Variants in LAYN observed in about 807,000 individuals in gnomAD.
LAYN encodes layilin.
In LAYN, 38 loss-of-function variants were observed where a neutral mutation model predicts 43.6. The observed-to-expected ratio is 0.87, with a 90% CI of 0.67 to 1.14. The LOEUF (loss-of-function observed/expected upper bound fraction) is 1.14, where lower values mean the gene tolerates loss of function less well. LAYN is among the 50% of genes most tolerant of loss of function. LAYN has a pLI of 0.00. For missense variants in LAYN, 479 were observed against 463.8 expected, an observed-to-expected ratio of 1.03 and a Z score of -0.30; for synonymous variants, 168 against 172.9, an observed-to-expected ratio of 0.97 and a Z score of 0.22.
In LAYN at chr11:111,549,719, A is replaced by C; in HGVS notation, c.485A>C (p.Gln162Pro). Residue 162 changes from glutamine to proline, a missense_variant, in exon 3 of 7, where the codon CAG becomes CCG. Coordinates refer to ENST00000375614, the MANE Select transcript of LAYN (RefSeq NM_178834.5). ...PAGIGGPYMF[Q>P]WNDDRCNMKN... is the part of the protein sequence containing the mutation. ...GGCATCGGAGGCCCCTACATGTTCC[A>C]GTGGAATGATGACCGGTGCAACATG... The C allele has an allele frequency of 1.2e-6, 2 of 1,607,178 alleles. No homozygotes were observed. The highest frequency in any genetic ancestry group is 1.7e-6 in the Non-Finnish European group (2 of 1,177,488).
rs376097260 is a variant in LAYN, at chr11:111,544,196, C to A, written c.359C>A (p.Thr120Asn). 6.2e-7 allele frequency: 1 copy of A among 1,613,552 alleles called. No homozygotes were observed. The highest frequency in any genetic ancestry group is 1.1e-5 in the South Asian group (1 of 90,952). The change falls in exon 2 of 7, where the codon ACT becomes AAT. Residue 120 changes from threonine to asparagine, a missense_variant. Coordinates refer to ENST00000375614, the MANE Select transcript of LAYN (RefSeq NM_178834.5). ...GCCTGCCAGGACCTTTATGCTTGGA[C>A]TGATGGCAGCATATCACAATTTAGG... Reference protein sequence around the residue: ...STACQDLYAWTDGSISQFRNW... With the variant: ...STACQDLYAWNDGSISQFRNW...
At chr11:111,541,728 G>A (rs1346989925) in intron 1 of LAYN, 4 of 750,048 alleles carry the variant, frequency 5.3e-6, no homozygotes, top group Non-Finnish European at 9.2e-6. Context: ...CCTCTACTCT[G>A]GCATCCTGGC....
intron 6 of LAYN, 111 bp downstream of exon 6, chr11:111,557,754 T>A (rs113099392): frequency 2.3e-6 from 2 of 878,298 alleles, no homozygotes; most frequent in Non-Finnish European, 1.9e-6. Flanking sequence ...AGTATCACCA[T>A]TGCAGATTGG....
chr11:111,552,980 A>G (rs544192585), intron 3 of LAYN, among the ~76,000 whole-genome samples: 2 of 152,284 alleles, frequency 1.3e-5, no homozygotes, highest in African/African-American at 4.8e-5. Context: ...TGGGCAAGTT[A>G]CTTAATCTCC....
intron 1 of LAYN, 79 bp from the exon 2 acceptor site, chr11:111,543,844 T>A: frequency 7.2e-7 from 1 of 1,398,164 alleles, no homozygotes; most frequent in Non-Finnish European, 9.7e-7. Flanking sequence ...AGGGATACCT[T>A]CCTTTGGATG....
At chr11:111,557,719 C>A in intron 6 of LAYN, 76 bp downstream of exon 6, 1 of 1,179,954 alleles carries the variant, frequency 8.5e-7, no homozygotes, top group South Asian at 1.2e-5. Context: ...TTGTTTACTT[C>A]ATTAAAACCC....
chr11:111,553,416 C>T (rs1867776660), intron 3 of LAYN, among the ~76,000 whole-genome samples: 1 of 151,904 alleles, frequency 6.6e-6, no homozygotes, highest in Non-Finnish European at 1.5e-5. Context: ...GAGTTTGAGA[C>T]CAGCCTGACC....
At position 111,550,309 on chromosome 11, in the gene LAYN, C is replaced by T. The variant is rs551762003; in HGVS notation, c.541+534C>T. Among the ~76,000 whole-genome samples, 3 of 152,318 alleles carry T rather than the reference C, an allele frequency of 2.0e-5. No individual in the cohort carries two copies. In the East Asian group the frequency reaches 5.8e-4, roughly 29 times the overall value. On this transcript the variant is annotated intron_variant, in intron 3 of 6. Coordinates refer to ENST00000375614, the MANE Select transcript of LAYN (RefSeq NM_178834.5). The stretch of plus-strand genomic sequence containing the variant: ...CTCTCAGACCACCCTGTATTTAATG[C>T]CTTGCAAATTCAACTTACGTTTGCT...
At chr11:111,553,752 A>ACACACT (rs915788618) in intron 3 of LAYN, among the ~76,000 whole-genome samples, 5 of 150,048 alleles carry the variant, frequency 3.3e-5, no homozygotes, top group African/African-American at 1.2e-4. Flanking sequence ...ACACACACAC[A>ACACACT]CTTATGGGAA....
In LAYN at chr11:111,549,710, A is replaced by G. The variant is rs1826325180; in HGVS notation, c.476A>G (p.Tyr159Cys). Reference protein sequence around the residue: ...PSAPAGIGGPYMFQWNDDRCN... With the variant: ...PSAPAGIGGPCMFQWNDDRCN... ...GCACCCGCTGGCATCGGAGGCCCCT[A>G]CATGTTCCAGTGGAATGATGACCGG... Residue 159 changes from tyrosine (Y) to cysteine (C), a missense_variant, in exon 3 of 7, where the codon TAC (tyrosine) becomes TGC (cysteine). Coordinates refer to ENST00000375614, the MANE Select transcript of LAYN (RefSeq NM_178834.5). 1 of 1,606,478 alleles carries G rather than the reference A, an allele frequency of 6.2e-7. No homozygotes were observed. Among genetic ancestry groups the G allele is most frequent in the African/African-American group, 1.3e-5 (1 of 74,468 alleles).
rs992891369 is a variant in LAYN, at chr11:111,544,054, A to G, written c.217A>G (p.Ile73Val). ...CRRDGGQLVS[I>V]ESEDEQKLIE... Reference sequence around the variant, plus strand: ...GAGGGATGGAGGCCAGCTAGTCAGCATCGAGTCTGAAGATGAACAGAAACT... The same window carrying G: ...GAGGGATGGAGGCCAGCTAGTCAGCGTCGAGTCTGAAGATGAACAGAAACT... Residue 73 changes from isoleucine to valine, a missense_variant, in exon 2 of 7, where the codon ATC becomes GTC. Ile to Val is a conservative substitution (Grantham distance 29). Transcript: ENST00000375614. The G allele has an allele frequency of 2.5e-6, 4 of 1,614,106 alleles. No homozygotes were observed. In the Admixed American group the frequency reaches 6.7e-5, roughly 27 times the overall value.
intron 5 of LAYN, 87 bp from the exon 6 acceptor site, chr11:111,557,454 A>G: frequency 9.5e-7 from 1 of 1,056,182 alleles, no homozygotes; most frequent in Non-Finnish European, 1.5e-6. Flanking sequence ...GTTTTTGACG[A>G]TTATGCTTTT....
chr11:111,550,130 A>C (rs1444982832), intron 3 of LAYN, among the ~76,000 whole-genome samples: 1 of 152,224 alleles, frequency 6.6e-6, no homozygotes, highest in Non-Finnish European at 1.5e-5. Context: ...GGGGCTTAGA[A>C]TAAGCTGGCC....
intron 1 of LAYN, 86 bp downstream of exon 1, chr11:111,541,014 G>A (rs552546320): frequency 7.8e-7 from 1 of 1,288,550 alleles, no homozygotes; most frequent in Non-Finnish European, 1.1e-6. Context: ...GGGTCGCCAC[G>A]TATGGGACTA....
Position 111,560,244 on chromosome 11 carries a change from A to G in LAYN, c.911A>G (p.Asn304Ser), listed in dbSNP as rs1867928707. 2.5e-6 allele frequency: 4 copies of G among 1,614,086 alleles called. 1 individual carries two copies. The Admixed American group carries it at 6.7e-5, about 27-fold the overall frequency. Residue 304 changes from asparagine (N) to serine (S), a missense_variant, in exon 7 of 7, where the codon AAT becomes AGT. Physicochemically the swap from Asn to Ser is conservative, Grantham distance 46. Transcript: ENST00000375614. ...DLAETRPDLKNISFRVCSGEA... is the reference protein window; with the variant it reads ...DLAETRPDLKSISFRVCSGEA... ...GCTGAGACCCGGCCAGACCTGAAGA[A>G]TATTTCATTCCGAGTGTGTTCGGGA...
chr11:111,549,813 C>T (rs1475053740), intron 3 of LAYN, 38 bp downstream of exon 3: 3 of 1,566,208 alleles, frequency 1.9e-6, no homozygotes, highest in Non-Finnish European at 2.6e-6. Flanking sequence ...GCTGAATTCT[C>T]AACTTCTCTC....
chr11:111,551,442 T>G (rs952359683), intron 3 of LAYN: 1 of 455,712 alleles, frequency 2.2e-6, no homozygotes, highest in African/African-American at 2.0e-5. Flanking sequence ...CAGAGGGAGG[T>G]GGGCACATGG....
At chr11:111,545,878 C>G (rs1195096908) in intron 2 of LAYN, among the ~76,000 whole-genome samples, 1 of 152,184 alleles carries the variant, frequency 6.6e-6, no homozygotes, top group Non-Finnish European at 1.5e-5. Context: ...TTCAGAAGTC[C>G]CATGTAATCA....
chr11:111,558,317 C>T (rs1289640750), intron 6 of LAYN, among the ~76,000 whole-genome samples: 1 of 152,028 alleles, frequency 6.6e-6, no homozygotes, highest in Non-Finnish European at 1.5e-5. Context: ...AACAGGAAAA[C>T]TAAGGCCCAA....
Sources: allele counts gnomAD v4.1 joint callset (sites outside exome capture counted in the v4.1 genomes callset), GRCh38; gene constraint gnomAD v4.1.1; transcripts MANE v1.5; gene names NCBI Gene and HGNC (gene_info 2026-07-23, HGNC 2026-07-21).